Variants in FABP3 observed in about 807,000 individuals in gnomAD.
FABP3 encodes the protein fatty acid binding protein 3, also known as fatty acid-binding protein, heart.
A neutral mutation model predicts 13.4 loss-of-function variants in FABP3; 8 were observed. The ratio of observed to expected loss-of-function variants is 0.60; its 90% confidence interval spans 0.35 to 1.07. The LOEUF (loss-of-function observed/expected upper bound fraction) is 1.07. Ranked by LOEUF, FABP3 falls within the 50% of genes least tolerant of loss-of-function variation. FABP3 has a pLI of 0.02. For synonymous variants in FABP3, 64 were observed against 60.0 expected (o/e 1.07, Z -0.31); for missense variants, 135 against 164.7 (o/e 0.82, Z 0.99).
chr1:31,370,815 G>GAGGC (rs1451288320), intron 1 of FABP3, among the ~76,000 whole-genome samples: 8 of 152,192 alleles, frequency 5.3e-5, no homozygotes, highest in Non-Finnish European at 1.0e-4. Context: ...GGTGAGGCAG[G>GAGGC]AGGCAGCCCA....
chr1:31,360,509 C>T (rs1298962930), downstream of FABP3, among the ~76,000 whole-genome samples: 1 of 152,198 alleles, frequency 6.6e-6, no homozygotes, highest in Non-Finnish European at 1.5e-5. Context: ...TGTTCTGTAG[C>T]TCAAGGCTAG....
downstream of FABP3, chr1:31,364,741 CAT>C (rs1349297709): frequency 6.5e-6 from 1 of 153,440 alleles, no homozygotes; most frequent in Non-Finnish European, 1.5e-5. Context: ...CTAGAAGTGG[CAT>C]CCAGCGGCCA....
In FABP3 at chr1:31,370,403, T is replaced by TA. The variant is rs1640187079; in HGVS notation, c.74-847dup. On this transcript the variant is annotated intron_variant, in intron 1 of 3. Transcript: ENST00000373713. ...TAAGGCTGAGGAAAGAAGAGAAACA[T>TA]AGACTTTCCCTTCCAAAGCCTTAGG... Among the ~76,000 whole-genome samples, 7 of 152,320 alleles carry TA rather than the reference T, an allele frequency of 4.6e-5. 1 individual carries two copies. The South Asian group carries it at 1.5e-3, about 32-fold the overall frequency.
At chr1:31,369,047 A>G (rs1640159451) in intron 2 of FABP3, 2 of 226,226 alleles carry the variant, frequency 8.8e-6, no homozygotes, top group South Asian at 2.6e-4. Flanking sequence ...GGAAGGGGAA[A>G]GAAACCTAGA....
intron 3 of FABP3, 26 bp from the exon 4 acceptor site, chr1:31,365,965 G>T: frequency 6.2e-7 from 1 of 1,611,442 alleles, no homozygotes; most frequent in Non-Finnish European, 8.5e-7. Flanking sequence ...GAGTGAGATG[G>T]GGGGTGGAGC....
chr1:31,364,238 G>C, downstream of FABP3: 1 of 1,572,854 alleles, frequency 6.4e-7, no homozygotes. Flanking sequence ...GAAACCAGGA[G>C]CCTTGTGCCT....
chr1:31,367,635 G>A (rs531974534), intron 2 of FABP3, 141 bp from the exon 3 acceptor site: 15 of 700,000 alleles, frequency 2.1e-5, no homozygotes, highest in African/African-American at 8.7e-5. Flanking sequence ...CAGGCAATCC[G>A]CCTCCCAGCT....
chr1:31,362,463 G>T (rs1639944200), downstream of FABP3, among the ~76,000 whole-genome samples: 1 of 152,138 alleles, frequency 6.6e-6, no homozygotes, highest in Non-Finnish European at 1.5e-5. Flanking sequence ...TGCTCATACT[G>T]CCCCATTAGA....
downstream of FABP3, chr1:31,364,300 A>G: frequency 6.9e-7 from 1 of 1,448,082 alleles, no homozygotes; most frequent in Non-Finnish European, 9.1e-7. Context: ...CACCCCATTA[A>G]CTTCGCTCCC....
At chr1:31,361,862 A>C (rs1175911453), downstream of FABP3, among the ~76,000 whole-genome samples, 1 of 151,858 alleles carries the variant, frequency 6.6e-6, no homozygotes, top group African/African-American at 2.4e-5. Flanking sequence ...CCCAGCCTGG[A>C]GTGCAGTGGC....
chr1:31,364,483 C>T, downstream of FABP3: 1 of 407,860 alleles, frequency 2.5e-6, no homozygotes, highest in Non-Finnish European at 4.4e-6. Context: ...TCCTATTACC[C>T]TCTCCAGCTG....
In FABP3 at chr1:31,369,367, CCT is replaced by C. The variant is rs483352874; in HGVS notation, c.246+16_246+17del. The C allele has an allele frequency of 4.0e-4, 652 of 1,612,828 alleles. No individual in the cohort carries two copies. Among genetic ancestry groups the C allele is most frequent in the Non-Finnish European group, 4.7e-4 (554 of 1,179,144 alleles). The stretch of plus-strand genomic sequence containing the variant: ...GTCTCAGCACTCTCCATTCCCCACC[CCT>C]GTTTCCCTGACTTACCTTGACCTTC... On this transcript the variant is annotated intron_variant, in intron 2 of 3. Coordinates refer to ENST00000373713, the MANE Select transcript of FABP3 (RefSeq NM_004102.5).
intron 1 of FABP3, 23 bp from the exon 2 acceptor site, chr1:31,369,580 G>A: frequency 6.2e-7 from 1 of 1,613,008 alleles, no homozygotes; most frequent in Non-Finnish European, 8.5e-7. Flanking sequence ...GGAAGGTTAT[G>A]AGTATATGAG....
downstream of FABP3, among the ~76,000 whole-genome samples, chr1:31,361,727 C>A (rs1274828106): frequency 6.6e-6 from 1 of 152,152 alleles, no homozygotes; most frequent in Non-Finnish European, 1.5e-5. Flanking sequence ...CTTGTCCAAG[C>A]CTTAGATACT....
intron 2 of FABP3, chr1:31,369,089 C>T: frequency 2.9e-6 from 1 of 341,576 alleles, no homozygotes; most frequent in Non-Finnish European, 5.4e-6. Context: ...GGTCACCCAG[C>T]TGGAGCTGGA....
chr1:31,364,705 A>G (rs1414307381), downstream of FABP3: 1 of 154,994 alleles, frequency 6.5e-6, no homozygotes, highest in African/African-American at 2.4e-5. Context: ...CACTTTTCCC[A>G]TTCCTCCTAA....
downstream of FABP3, among the ~76,000 whole-genome samples, chr1:31,361,806 T>C (rs192218018): frequency 5.9e-5 from 9 of 151,348 alleles, no homozygotes; most frequent in East Asian, 1.8e-3. Context: ...TATTTATTTA[T>C]TTATTTATTT....
At chr1:31,363,409 T>C (rs1314686798), downstream of FABP3, among the ~76,000 whole-genome samples, 3 of 152,200 alleles carry the variant, frequency 2.0e-5, no homozygotes, top group African/African-American at 7.2e-5. Context: ...GGTCTCGATC[T>C]CCTGACCTCG....
downstream of FABP3, among the ~76,000 whole-genome samples, chr1:31,361,146 A>G (rs1005384057): frequency 6.6e-6 from 1 of 152,156 alleles, no homozygotes; most frequent in Non-Finnish European, 1.5e-5. Flanking sequence ...TAAACTATTG[A>G]TTTGCCAACT....
Sources: gnomAD v4.1 joint callset for allele counts (sites outside exome capture counted in the v4.1 genomes callset) on GRCh38, gnomAD v4.1.1 for gene constraint, MANE v1.5 for transcripts, NCBI Gene and HGNC (gene_info 2026-07-23, HGNC 2026-07-21) for gene names.